Variants in DACH1 observed in about 807,000 individuals in gnomAD.
DACH1 encodes dachshund family transcription factor 1.
A neutral mutation model predicts 54.2 loss-of-function variants in DACH1; 12 were observed. That is an observed-to-expected ratio of 0.22 (90% confidence interval 0.14 to 0.36). DACH1 has a LOEUF of 0.36. Ranked by LOEUF, DACH1 falls within the 10% of genes least tolerant of loss-of-function variation. The probability of loss-of-function intolerance (pLI) is 1.00; values close to 1 mark genes in which losing one functional copy is unlikely to be tolerated. For synonymous variants in DACH1, 386 were observed against 366.2 expected (o/e 1.05, Z -0.62); for missense variants, 805 against 929.8 (o/e 0.87, Z 1.75).
At chr13:71,729,647 C>A (rs912206869) in intron 1 of DACH1, among the ~76,000 whole-genome samples, 3 of 151,990 alleles carry the variant, frequency 2.0e-5, no homozygotes, top group Admixed American at 6.6e-5. Flanking sequence ...ATGACAGACC[C>A]ACAGAATGAA....
At chr13:71,477,011 T>A (rs1877580053) in intron 8 of DACH1, among the ~76,000 whole-genome samples, 1 of 146,624 alleles carries the variant, frequency 6.8e-6, no homozygotes, top group Non-Finnish European at 1.5e-5. Flanking sequence ...AATAATCAAA[T>A]TATAAAATAA....
At chr13:71,814,280 C>A (rs1428517841) in intron 1 of DACH1, among the ~76,000 whole-genome samples, 3 of 152,174 alleles carry the variant, frequency 2.0e-5, no homozygotes, top group African/African-American at 4.8e-5. Context: ...AGCTTAGCTA[C>A]ATAACCAACC....
intron 3 of DACH1, among the ~76,000 whole-genome samples, chr13:71,579,115 C>T (rs1227708354): frequency 1.3e-5 from 2 of 152,070 alleles, no homozygotes; most frequent in East Asian, 3.8e-4. Context: ...AAACTCTTGC[C>T]ATACCAGGGG....
chr13:71,736,692 T>C (rs1884138200), intron 1 of DACH1, among the ~76,000 whole-genome samples: 1 of 152,116 alleles, frequency 6.6e-6, no homozygotes, highest in Non-Finnish European at 1.5e-5. Context: ...AACCCAGAAG[T>C]ATAAAAACAA....
At chr13:71,671,718 G>T in intron 2 of DACH1, among the ~76,000 whole-genome samples, 1 of 152,056 alleles carries the variant, frequency 6.6e-6, no homozygotes, top group Admixed American at 6.6e-5. Context: ...AAACAATATA[G>T]CCTATTAAAT....
At chr13:71,819,172 G>A (rs1888089369) in intron 1 of DACH1, among the ~76,000 whole-genome samples, 1 of 152,192 alleles carries the variant, frequency 6.6e-6, no homozygotes, top group Non-Finnish European at 1.5e-5. Context: ...CAAGAACTGT[G>A]TATTTTGGAA....
At chr13:71,599,484 T>A (rs1410039372) in intron 3 of DACH1, among the ~76,000 whole-genome samples, 1 of 152,118 alleles carries the variant, frequency 6.6e-6, no homozygotes, top group African/African-American at 2.4e-5. Context: ...TTGTATCTAA[T>A]TTACTTATAT....
At chr13:71,767,161 A>C (rs1885669671) in intron 1 of DACH1, among the ~76,000 whole-genome samples, 1 of 151,956 alleles carries the variant, frequency 6.6e-6, no homozygotes, top group South Asian at 2.1e-4. Flanking sequence ...GTTTATCAAT[A>C]AATTAAGTTA....
chr13:71,841,926 C>A (rs1872880443), intron 1 of DACH1, among the ~76,000 whole-genome samples: 1 of 152,182 alleles, frequency 6.6e-6, no homozygotes, highest in Non-Finnish European at 1.5e-5. Flanking sequence ...TCATAATTTT[C>A]ATAGTTCAAC....
At chr13:71,622,557 A>G (rs528219549) in intron 3 of DACH1, among the ~76,000 whole-genome samples, 49 of 152,084 alleles carry the variant, frequency 3.2e-4, no homozygotes, top group African/African-American at 1.2e-3. Flanking sequence ...GTTATTTTAC[A>G]CTGAAATATG....
At chr13:71,660,903 T>A (rs186495713) in intron 2 of DACH1, among the ~76,000 whole-genome samples, 2 of 151,040 alleles carry the variant, frequency 1.3e-5, no homozygotes, top group Admixed American at 1.3e-4. Context: ...TAAAATGACA[T>A]CAAATGTCCA....
At chr13:71,662,700 T>C (rs1879588123) in intron 2 of DACH1, among the ~76,000 whole-genome samples, 1 of 152,036 alleles carries the variant, frequency 6.6e-6, no homozygotes, top group South Asian at 2.1e-4. Context: ...CATATATTTT[T>C]CCACAAAAAA....
chr13:71,732,440 C>T (rs1039128553), intron 1 of DACH1, among the ~76,000 whole-genome samples: 4 of 151,904 alleles, frequency 2.6e-5, no homozygotes, highest in African/African-American at 9.7e-5. Flanking sequence ...CAAAAATTAG[C>T]TGGGTGTGGT....
intron 8 of DACH1, among the ~76,000 whole-genome samples, chr13:71,478,112 C>T (rs1877734376): frequency 6.6e-6 from 1 of 152,176 alleles, no homozygotes; most frequent in Admixed American, 6.5e-5. Flanking sequence ...AAAAACATGG[C>T]TGTCTCATGG....
At chr13:71,843,219 T>C (rs1000571726) in intron 1 of DACH1, among the ~76,000 whole-genome samples, 16 of 152,138 alleles carry the variant, frequency 1.1e-4, no homozygotes, top group African/African-American at 3.6e-4. Flanking sequence ...AGTCACAAAC[T>C]ATCCTATTAC....
intron 1 of DACH1, among the ~76,000 whole-genome samples, chr13:71,763,155 C>G (rs886592297): frequency 1.3e-5 from 2 of 152,178 alleles, no homozygotes; most frequent in Admixed American, 6.5e-5. Flanking sequence ...TATATTAACT[C>G]ACTGATTCCT....
chr13:71,730,590 T>C (rs1883696851), intron 1 of DACH1, among the ~76,000 whole-genome samples: 1 of 150,892 alleles, frequency 6.6e-6, no homozygotes, highest in African/African-American at 2.5e-5. Flanking sequence ...TACATATGAG[T>C]GTTTGCACAC....
chr13:71,552,836 TATATATAGAGAGAGAGAGAGAG>T (rs1433367677), intron 6 of DACH1, among the ~76,000 whole-genome samples: 16 of 27,180 alleles, frequency 5.9e-4, no homozygotes, highest in Admixed American at 1.8e-3. Flanking sequence ...TATATATATA[TATATATAGAGAGAGAGAGAGAG>T]AGAGAGAGAG....
chr13:71,539,238 T>C (rs933691174), intron 6 of DACH1, among the ~76,000 whole-genome samples: 6 of 152,090 alleles, frequency 3.9e-5, no homozygotes, highest in Admixed American at 2.0e-4. Context: ...CTTCTGTCTC[T>C]TGAACTTGCA....
Sources: allele counts gnomAD v4.1 joint callset (sites outside exome capture counted in the v4.1 genomes callset), GRCh38; gene constraint gnomAD v4.1.1; transcripts MANE v1.5; gene names NCBI Gene and HGNC (gene_info 2026-07-23, HGNC 2026-07-21).